Variants in EMSY observed in about 807,000 individuals in gnomAD.
EMSY encodes the protein BRCA2-interacting transcriptional repressor EMSY.
In EMSY, 26 loss-of-function variants were observed where a neutral mutation model predicts 134.6. The observed-to-expected ratio is 0.19, with a 90% CI of 0.14 to 0.27. The LOEUF is 0.27. Ranked by LOEUF, EMSY falls within the 10% of genes least tolerant of loss-of-function variation. The probability of loss-of-function intolerance (pLI) is 1.00; values close to 1 mark genes in which losing one functional copy is unlikely to be tolerated. For synonymous variants in EMSY, 579 were observed against 577.8 expected (o/e 1.00, Z -0.03); for missense variants, 1,305 against 1,611.4 (o/e 0.81, Z 3.26).
At chr11:76,476,079 A>G (rs1264821516) in intron 8 of EMSY, among the ~76,000 whole-genome samples, 1 of 152,110 alleles carries the variant, frequency 6.6e-6, no homozygotes, top group African/African-American at 2.4e-5. Context: ...GATTTTACTG[A>G]TTTCATCTGT....
chr11:76,494,273 G>A (rs765157341), intron 8 of EMSY, among the ~76,000 whole-genome samples: 2 of 152,196 alleles, frequency 1.3e-5, no homozygotes, highest in Non-Finnish European at 2.9e-5. Context: ...AGAAGGTGCC[G>A]CCGGCCACAG....
At chr11:76,469,812 G>C (rs898572056) in intron 7 of EMSY, among the ~76,000 whole-genome samples, 2 of 151,978 alleles carry the variant, frequency 1.3e-5, no homozygotes, top group African/African-American at 4.8e-5. Context: ...ATTTAAGCTT[G>C]TGGTCTTTTT....
intron 10 of EMSY, among the ~76,000 whole-genome samples, chr11:76,515,586 C>CT (rs1388304350): frequency 6.6e-6 from 1 of 152,102 alleles, no homozygotes; most frequent in East Asian, 1.9e-4. Flanking sequence ...GCAGCTTTAA[C>CT]TTTAATCTTT....
exon 4 of EMSY, chr11:76,453,367 G>A (rs61754149): frequency 6.6e-5 from 106 of 1,612,560 alleles, no homozygotes; most frequent in South Asian, 4.5e-4. Context: ...AACGATGAAC[G>A]GTTAACAACA....
At chr11:76,492,381 G>A (rs1949458250) in intron 8 of EMSY, among the ~76,000 whole-genome samples, 1 of 152,174 alleles carries the variant, frequency 6.6e-6, no homozygotes, top group African/African-American at 2.4e-5. Flanking sequence ...GTCTGAGGCA[G>A]GAGAATCGCT....
At chr11:76,452,938 C>G (rs955612509) in intron 3 of EMSY, among the ~76,000 whole-genome samples, 1 of 152,126 alleles carries the variant, frequency 6.6e-6, no homozygotes, top group Non-Finnish European at 1.5e-5. Flanking sequence ...GTGACAAAAT[C>G]CTCTTCTCAG....
intron 8 of EMSY, among the ~76,000 whole-genome samples, chr11:76,473,140 A>T (rs1053424809): frequency 2.0e-5 from 3 of 152,186 alleles, no homozygotes; most frequent in Non-Finnish European, 2.9e-5. Flanking sequence ...TATCTTTAAT[A>T]TAATGAAATT....
chr11:76,487,051 G>A (rs1205192328), intron 8 of EMSY, among the ~76,000 whole-genome samples: 1 of 152,228 alleles, frequency 6.6e-6, no homozygotes, highest in Non-Finnish European at 1.5e-5. Context: ...GCTGAGGCAG[G>A]CGGATCACTA....
intron 9 of EMSY, chr11:76,496,698 A>G: frequency 3.5e-6 from 2 of 579,038 alleles, no homozygotes; most frequent in African/African-American, 1.9e-5. Context: ...TTTAATTTCA[A>G]TGTCTACATG....
chr11:76,550,750 G>T (rs1210616901), exon 21 of EMSY: 1 of 152,306 alleles, frequency 6.6e-6, no homozygotes, highest in Admixed American at 6.6e-5. Context: ...ATTCTTATCA[G>T]TTGTGTGCTA....
intron 2 of EMSY, among the ~76,000 whole-genome samples, 187 bp from the exon 3 acceptor site, chr11:76,451,671 A>G (rs1947675420): frequency 6.6e-6 from 1 of 152,348 alleles, no homozygotes; most frequent in African/African-American, 2.4e-5. Flanking sequence ...CTGTGAGGCA[A>G]TGAAAAACAA....
chr11:76,486,733 G>A (rs937738919), intron 8 of EMSY, among the ~76,000 whole-genome samples: 3 of 152,102 alleles, frequency 2.0e-5, no homozygotes, highest in South Asian at 2.1e-4. Context: ...AGTTTTTAAC[G>A]TCCATAATGA....
intron 7 of EMSY, 74 bp from the exon 9 acceptor site, chr11:76,472,490 T>A (rs905269931): frequency 7.5e-7 from 1 of 1,329,468 alleles, no homozygotes; most frequent in East Asian, 2.4e-5. Context: ...TTAAATTATA[T>A]ATAACTAACT....
intron 14 of EMSY, among the ~76,000 whole-genome samples, chr11:76,532,257 G>T (rs1382077925): frequency 3.3e-5 from 5 of 151,954 alleles, no homozygotes; most frequent in Admixed American, 3.3e-4. Flanking sequence ...AAGTTTCACC[G>T]AATGAACAAA....
chr11:76,539,141 A>G (rs905899198), intron 16 of EMSY, among the ~76,000 whole-genome samples: 1 of 152,180 alleles, frequency 6.6e-6, no homozygotes, highest in African/African-American at 2.4e-5. Context: ...TGATTAGATG[A>G]CACCTGGAAT....
At chr11:76,549,878 TTCTTGATA>T in intron 20 of EMSY, 66 bp from the exon 22 acceptor site, 2 of 1,325,540 alleles carry the variant, frequency 1.5e-6, no homozygotes, top group Non-Finnish European at 2.1e-6. Flanking sequence ...TTTTTTTTTT[TTCTTGATA>T]TTGTTGGGGA....
intron 8 of EMSY, among the ~76,000 whole-genome samples, chr11:76,481,450 C>T (rs1948976544): frequency 6.6e-6 from 1 of 152,186 alleles, no homozygotes; most frequent in Admixed American, 6.5e-5. Context: ...TGGTCTAGCT[C>T]AGCAAATCCC....
intron 9 of EMSY, among the ~76,000 whole-genome samples, chr11:76,512,733 A>T (rs1159621443): frequency 6.6e-6 from 1 of 151,662 alleles, no homozygotes; most frequent in Non-Finnish European, 1.5e-5. Context: ...AAAAAAAAAA[A>T]AAACCATAAA....
At chr11:76,507,682 C>T (rs1950126798) in intron 9 of EMSY, among the ~76,000 whole-genome samples, 1 of 152,096 alleles carries the variant, frequency 6.6e-6, no homozygotes, top group Admixed American at 6.6e-5. Flanking sequence ...TGGAATCCAC[C>T]TCTTCCAAGC....
Sources: allele counts gnomAD v4.1 joint callset (sites outside exome capture counted in the v4.1 genomes callset), GRCh38; gene constraint gnomAD v4.1.1; transcripts MANE v1.5; gene names NCBI Gene and HGNC (gene_info 2026-07-23, HGNC 2026-07-21).